The following AAK1 variants were observed in gnomAD, a reference collection of about 807,000 sequenced individuals.
AAK1 encodes AP2 associated kinase 1.
Under a neutral mutation model 116.0 loss-of-function variants are expected in AAK1, and 37 were observed. The ratio of observed to expected loss-of-function variants is 0.32; its 90% CI spans 0.25 to 0.42. AAK1 has a LOEUF of 0.42. AAK1 is among the 10% of genes least tolerant of loss of function. The pLI is 1.00. For synonymous variants in AAK1, 458 were observed against 439.9 expected, an observed-to-expected ratio of 1.04 and a Z score of -0.51; for missense variants, 919 against 1,170.6, an observed-to-expected ratio of 0.79 and a Z score of 3.14.
chr2:69,632,168 A>G (rs1343988845), intron 2 of AAK1, among the ~76,000 whole-genome samples: 6 of 152,216 alleles, frequency 3.9e-5, no homozygotes, highest in Non-Finnish European at 7.3e-5. Flanking sequence ...GAACATCTGA[A>G]TTATTTATGT....
In AAK1 at chr2:69,458,162, T is replaced by A. The variant is rs1286737389; in HGVS notation, c.*17707A>T. The A allele has an allele frequency of 9.2e-5, 14 of 152,112 alleles. No individual in the cohort carries two copies. Among genetic ancestry groups the A allele is most frequent in the African/African-American group, 3.4e-4 (14 of 41,392 alleles). 9.4% of individuals were successfully genotyped at this position (152,112 alleles called of 1,614,324 possible). A position where few individuals can be genotyped will look rare whatever the true frequency, so the allele number is the denominator to read the frequency against. On this transcript the variant is annotated 3_prime_UTR_variant, in exon 22 of 22. Coordinates refer to ENST00000409085, the MANE Select transcript of AAK1 (RefSeq NM_014911.5). ...CAAAAATTGTTAAGATTGACTTTCA[T>A]GTTTCCCCCCCTCCTTTCTCTTGTT...
intron 15 of AAK1, 70 bp from the exon 16 acceptor site, chr2:69,505,743 A>G: frequency 1.6e-6 from 2 of 1,215,672 alleles, no homozygotes; most frequent in Non-Finnish European, 2.4e-6. Flanking sequence ...TGGCAGAGGT[A>G]AGGGGCATTC....
intron 13 of AAK1, among the ~76,000 whole-genome samples, chr2:69,513,321 G>GAGTC (rs1676460208): frequency 1.3e-5 from 2 of 150,448 alleles, no homozygotes; most frequent in African/African-American, 4.9e-5. Flanking sequence ...CAGAAAGATG[G>GAGTC]TTTCTTTTTT....
In AAK1 at chr2:69,465,966, A is replaced by G. The variant is rs1180498674; in HGVS notation, c.*9903T>C. 6 of 1,290,778 alleles carry G rather than the reference A, an allele frequency of 4.6e-6. No homozygotes were observed. The highest frequency in any genetic ancestry group is 5.5e-5 in the East Asian group (1 of 18,026). 80.0% of individuals were successfully genotyped at this position (1,290,778 alleles called of 1,614,324 possible). ...GCATTGGATAACTGTTAACTCCTCC[A>G]TGCTTTTCTTCTTAGTGAAAGGAGC... is the stretch of plus-strand genomic sequence containing the variant. On this transcript the variant is annotated 3_prime_UTR_variant, in exon 22 of 22. Coordinates refer to ENST00000409085, the MANE Select transcript of AAK1 (RefSeq NM_014911.5).
chr2:69,584,216 A>G (rs1672665254), intron 2 of AAK1, among the ~76,000 whole-genome samples: 1 of 152,182 alleles, frequency 6.6e-6, no homozygotes, highest in African/African-American at 2.4e-5. Flanking sequence ...CTTAAAAAAC[A>G]CAATCAGGGA....
chr2:69,600,722 G>C (rs998739498), intron 2 of AAK1, among the ~76,000 whole-genome samples: 3 of 152,224 alleles, frequency 2.0e-5, no homozygotes, highest in African/African-American at 7.2e-5. Context: ...CAGAGTTTGG[G>C]AGGGATGACT....
intron 18 of AAK1, chr2:69,482,361 A>T (rs953634786): frequency 9.4e-6 from 5 of 531,812 alleles, no homozygotes; most frequent in Admixed American, 3.6e-5. Context: ...TCAAACAAAA[A>T]AAAAAAAAAG....
chr2:69,468,386 A>G lies in AAK1; in HGVS notation c.*7483T>C, dbSNP rs1215929382. Reference sequence around the variant, plus strand: ...GTTTGCAGAGCCTTAAAGAAGGACAAGAGGGCCCTAAAACTCCTTGAACCA... The same window carrying G: ...GTTTGCAGAGCCTTAAAGAAGGACAGGAGGGCCCTAAAACTCCTTGAACCA... On this transcript the variant is annotated 3_prime_UTR_variant, in exon 22 of 22. Transcript: ENST00000409085. 1 of 985,318 alleles carries G rather than the reference A, an allele frequency of 1.0e-6. No individual in the cohort carries two copies. 61.0% of individuals were successfully genotyped at this position (985,318 alleles called of 1,614,324 possible). A position where few individuals can be genotyped will look rare whatever the true frequency, so the allele number is the denominator to read the frequency against.
intron 13 of AAK1, among the ~76,000 whole-genome samples, chr2:69,513,864 G>C (rs1432961838): frequency 6.6e-6 from 1 of 152,220 alleles, no homozygotes; most frequent in Non-Finnish European, 1.5e-5. Flanking sequence ...GAGGGGTTCT[G>C]ATGCCATACT....
At chr2:69,642,727 A>G in intron 2 of AAK1, 151 bp downstream of exon 2, 1 of 1,175,164 alleles carries the variant, frequency 8.5e-7, no homozygotes, top group South Asian at 1.4e-5. Context: ...CTCAATTTTA[A>G]ATCTCTCAAG....
intron 16 of AAK1, chr2:69,499,980 C>T (rs867173715): frequency 6.6e-6 from 1 of 152,088 alleles, no homozygotes; most frequent in Non-Finnish European, 1.5e-5. Flanking sequence ...TAAAGAGGCA[C>T]CATGTGAAGT....
chr2:69,487,257 T>TA (rs1405813078), intron 17 of AAK1, among the ~76,000 whole-genome samples: 1 of 152,220 alleles, frequency 6.6e-6, no homozygotes, highest in Non-Finnish European at 1.5e-5. Flanking sequence ...GCTGACAGTC[T>TA]ATAAATCATG....
intron 2 of AAK1, among the ~76,000 whole-genome samples, chr2:69,579,668 T>C (rs1672463023): frequency 6.6e-6 from 1 of 152,196 alleles, no homozygotes; most frequent in South Asian, 2.1e-4. Flanking sequence ...CCCCTACATC[T>C]CTGTCCACTT....
At chr2:69,533,180 T>C (rs1670327275) in intron 5 of AAK1, among the ~76,000 whole-genome samples, 1 of 152,224 alleles carries the variant, frequency 6.6e-6, no homozygotes, top group Non-Finnish European at 1.5e-5. Flanking sequence ...TAAAATAGTC[T>C]ACTCTGAAAG....
rs1024089202 is a variant in AAK1, at chr2:69,635,699, C to T, written c.163+7179G>A. Reference sequence around the variant, plus strand: ...TAAGCCAATGACAAAAGGCCAAATACAGTAATATTCCACTTATATGAGGTA... The same window carrying T: ...TAAGCCAATGACAAAAGGCCAAATATAGTAATATTCCACTTATATGAGGTA... On this transcript the variant is annotated intron_variant, in intron 2 of 21. Transcript: ENST00000409085. 5.3e-5 allele frequency among the ~76,000 whole-genome samples: 8 copies of T among 152,284 alleles called. No individual in the cohort carries two copies. In the South Asian group the frequency reaches 1.7e-3, roughly 32 times the overall value.
chr2:69,472,700 C>T lies in AAK1; in HGVS notation c.*3169G>A. On this transcript the variant is annotated 3_prime_UTR_variant, in exon 22 of 22. Coordinates refer to ENST00000409085, the MANE Select transcript of AAK1 (RefSeq NM_014911.5). Reference sequence around the variant, plus strand: ...CATGTTTTCTGCTATAGTTACTCCTCTTACATAGCTGGAATAAAAGCAAAT... The same window carrying T: ...CATGTTTTCTGCTATAGTTACTCCTTTTACATAGCTGGAATAAAAGCAAAT... The T allele has an allele frequency of 1.0e-6, 1 of 985,400 alleles. No homozygotes were observed. The highest frequency in any genetic ancestry group is 4.7e-5 in the South Asian group (1 of 21,282). 61.0% of individuals were successfully genotyped at this position (985,400 alleles called of 1,614,324 possible). A position where few individuals can be genotyped will look rare whatever the true frequency, so the allele number is the denominator to read the frequency against.
At position 69,468,353 on chromosome 2, in the gene AAK1, A is replaced by G. The variant is rs1674556610; in HGVS notation, c.*7516T>C. 1.0e-6 allele frequency: 1 copy of G among 985,454 alleles called. No individual in the cohort carries two copies. The highest frequency in any genetic ancestry group is 4.7e-5 in the South Asian group (1 of 21,284). 61.0% of individuals were successfully genotyped at this position (985,454 alleles called of 1,614,324 possible). A position where few individuals can be genotyped will look rare whatever the true frequency, so the allele number is the denominator to read the frequency against. On this transcript the variant is annotated 3_prime_UTR_variant, in exon 22 of 22. Transcript: ENST00000409085. ...TAAAAGGGAGAAAAATAAGTTTTCCAAAATAAGGTTTGCAGAGCCTTAAAG... is the reference window on the plus strand; with the variant it reads ...TAAAAGGGAGAAAAATAAGTTTTCCGAAATAAGGTTTGCAGAGCCTTAAAG...
chr2:69,518,714 G>A (rs1448678140), intron 12 of AAK1, among the ~76,000 whole-genome samples: 1 of 152,042 alleles, frequency 6.6e-6, no homozygotes, highest in Non-Finnish European at 1.5e-5. Flanking sequence ...ACTGCACCCG[G>A]CCAAAAAAAT....
Position 69,471,619 on chromosome 2 carries a change from GAGCCTGATAATCTTGC to G in AAK1, c.*4234_*4249del, listed in dbSNP as rs1558887627. On this transcript the variant is annotated 3_prime_UTR_variant, in exon 22 of 22. Transcript: ENST00000409085. Reference sequence around the variant, plus strand: ...CAAAGCTCAAAGTTAGTGGCTATGGGAGCCTGATAATCTTGCAGACAGAGAAGGTTAAGGACTCTGG... The same window carrying G: ...CAAAGCTCAAAGTTAGTGGCTATGGGAGACAGAGAAGGTTAAGGACTCTGG... The G allele has an allele frequency of 1.0e-6, 1 of 985,260 alleles. No homozygotes were observed. The highest frequency in any genetic ancestry group is 6.1e-5 in the Admixed American group (1 of 16,262). 61.0% of individuals were successfully genotyped at this position (985,260 alleles called of 1,614,324 possible).
Sources: allele counts gnomAD v4.1 joint callset (sites outside exome capture counted in the v4.1 genomes callset), GRCh38; gene constraint gnomAD v4.1.1; transcripts MANE v1.5; gene names NCBI Gene and HGNC (gene_info 2026-07-23, HGNC 2026-07-21).